ASCC1: variants seen among roughly 807,000 people sequenced by gnomAD.
The protein encoded by ASCC1 is activating signal cointegrator 1 complex subunit 1, also known as ASC-1 complex subunit P50.
ASCC1 carries 35 observed loss-of-function variants against 46.6 expected under a neutral mutation model. The observed-to-expected ratio is 0.75, with a 90% CI of 0.57 to 0.99. ASCC1 has a LOEUF of 0.99. Ranked by LOEUF, ASCC1 falls within the 50% of genes least tolerant of loss-of-function variation. The probability of loss-of-function intolerance (pLI) is 0.00; values close to 1 mark genes in which losing one functional copy is unlikely to be tolerated. For synonymous variants in ASCC1, 143 were observed against 146.6 expected (o/e 0.98, Z 0.18); for missense variants, 376 against 428.7 (o/e 0.88, Z 1.09).
intron 3 of ASCC1, among the ~76,000 whole-genome samples, chr10:72,205,587 AC>A (rs1857087723): frequency 6.7e-6 from 1 of 149,552 alleles, no homozygotes; most frequent in Non-Finnish European, 1.5e-5. Flanking sequence ...CCAAGATCAC[AC>A]CACTGCACTC....
intron 9 of ASCC1, among the ~76,000 whole-genome samples, chr10:72,114,495 G>T (rs898419885): frequency 4.6e-5 from 7 of 152,022 alleles, no homozygotes; most frequent in Non-Finnish European, 8.8e-5. Flanking sequence ...CATGGTGGCG[G>T]GCCCCTGTAG....
At chr10:72,127,981 G>T in intron 9 of ASCC1, 101 bp downstream of exon 9, 1 of 935,666 alleles carries the variant, frequency 1.1e-6, no homozygotes, top group East Asian at 2.5e-5. Context: ...ATGAGAAAAA[G>T]TATGAAGAAG....
At chr10:72,200,226 A>C (rs1856296961) in intron 4 of ASCC1, among the ~76,000 whole-genome samples, 1 of 152,186 alleles carries the variant, frequency 6.6e-6, no homozygotes, top group South Asian at 2.1e-4. Flanking sequence ...AATAGAAAAA[A>C]TGGGGAACAT....
intron 6 of ASCC1, among the ~76,000 whole-genome samples, chr10:72,153,787 C>G (rs1483445066): frequency 2.0e-5 from 3 of 150,536 alleles, no homozygotes; most frequent in African/African-American, 7.3e-5. Flanking sequence ...TGCAATGGCA[C>G]GATCTCGGAT....
At chr10:72,148,324 T>C (rs1236072605) in intron 7 of ASCC1, among the ~76,000 whole-genome samples, 3 of 152,316 alleles carry the variant, frequency 2.0e-5, no homozygotes, top group East Asian at 3.9e-4. Context: ...AATAAAGTAC[T>C]GGGTCCATAT....
chr10:72,139,812 GCTCA>G (rs1262858088), intron 7 of ASCC1, among the ~76,000 whole-genome samples: 2 of 152,144 alleles, frequency 1.3e-5, no homozygotes, highest in Non-Finnish European at 2.9e-5. Context: ...CTTCCTGAGC[GCTCA>G]CTGTGTACAG....
intron 7 of ASCC1, among the ~76,000 whole-genome samples, chr10:72,148,380 G>C (rs979301451): frequency 1.3e-5 from 2 of 152,210 alleles, no homozygotes; most frequent in Non-Finnish European, 2.9e-5. Context: ...TGAGCTGTCT[G>C]AATTGTGAGC....
At chr10:72,145,383 G>A (rs1847509648) in intron 7 of ASCC1, among the ~76,000 whole-genome samples, 1 of 152,022 alleles carries the variant, frequency 6.6e-6, no homozygotes, top group South Asian at 2.1e-4. Flanking sequence ...TCTATATCTG[G>A]AGTTTGCCAG....
At chr10:72,151,348 G>C (rs1180203514) in intron 7 of ASCC1, among the ~76,000 whole-genome samples, 1 of 151,246 alleles carries the variant, frequency 6.6e-6, no homozygotes, top group Non-Finnish European at 1.5e-5. Context: ...TGCAAGGACA[G>C]AAAACCAAAC....
At chr10:72,151,204 C>A (rs946146944) in intron 7 of ASCC1, among the ~76,000 whole-genome samples, 9 of 152,182 alleles carry the variant, frequency 5.9e-5, no homozygotes, top group African/African-American at 2.2e-4. Flanking sequence ...CCCGAATGTC[C>A]ATCAATGATA....
chr10:72,151,147 G>A (rs1459543555), intron 7 of ASCC1, among the ~76,000 whole-genome samples: 4 of 152,284 alleles, frequency 2.6e-5, no homozygotes, highest in Admixed American at 2.0e-4. Context: ...ATATGCACAC[G>A]TATGTTTATT....
intron 9 of ASCC1, among the ~76,000 whole-genome samples, chr10:72,119,447 C>T (rs1843913192): frequency 6.6e-6 from 1 of 152,186 alleles, no homozygotes; most frequent in African/African-American, 2.4e-5. Context: ...CACTAACCTT[C>T]CATGTGTAGG....
chr10:72,147,061 A>C (rs538364520), intron 7 of ASCC1, among the ~76,000 whole-genome samples: 23 of 150,554 alleles, frequency 1.5e-4, no homozygotes, highest in Non-Finnish European at 3.2e-4. Context: ...AAATTAAATA[A>C]GTGAATAAGT....
intron 7 of ASCC1, among the ~76,000 whole-genome samples, chr10:72,135,107 G>C (rs1386150538): frequency 6.6e-6 from 1 of 152,156 alleles, no homozygotes. Flanking sequence ...AGTTGCAAAC[G>C]CTTACTGACA....
chr10:72,194,604 T>C (rs1266192950), intron 5 of ASCC1, among the ~76,000 whole-genome samples: 1 of 142,768 alleles, frequency 7.0e-6, no homozygotes, highest in African/African-American at 3.1e-5. Flanking sequence ...TGCAGAAAAA[T>C]GTATTCAGCA....
intron 5 of ASCC1, among the ~76,000 whole-genome samples, chr10:72,164,359 T>C (rs1165710052): frequency 6.6e-6 from 1 of 152,198 alleles, no homozygotes; most frequent in Admixed American, 6.5e-5. Flanking sequence ...TTATCTATTC[T>C]GGATATATTA....
intron 5 of ASCC1, among the ~76,000 whole-genome samples, chr10:72,184,352 G>A (rs896474467): frequency 6.6e-6 from 1 of 152,024 alleles, no homozygotes; most frequent in Admixed American, 6.6e-5. Context: ...CAGTTAAAAG[G>A]TAGAGATGTC....
chr10:72,109,787 A>C (rs1260424972), intron 9 of ASCC1, among the ~76,000 whole-genome samples: 1 of 152,204 alleles, frequency 6.6e-6, no homozygotes, highest in Non-Finnish European at 1.5e-5. Context: ...GAAAAATAGT[A>C]AGAAAATAAT....
chr10:72,196,971 C>T lies in ASCC1; in HGVS notation c.329G>A (p.Arg110Gln), dbSNP rs555612625. ...TGTTCGGGCTGAAATTACACCATTT[C>T]GATGCTGGCCAGTGATTACTGTAAA... The part of the protein sequence containing the change: ...DGEIVITGQH[R>Q]NGVISARTRI... Residue 110 changes from arginine (R) to glutamine (Q), a missense_variant, in exon 5 of 10, where the codon CGA becomes CAA. Coordinates refer to ENST00000672957, the MANE Select transcript of ASCC1 (RefSeq NM_001198800.3). 126 of 1,613,542 alleles carry T rather than the reference C, an allele frequency of 7.8e-5. No homozygotes were observed. The highest frequency in any genetic ancestry group is 6.7e-5 in the Admixed American group (4 of 59,994).
Sources: allele counts gnomAD v4.1 joint callset (sites outside exome capture counted in the v4.1 genomes callset), GRCh38; gene constraint gnomAD v4.1.1; transcripts MANE v1.5; gene names NCBI Gene and HGNC (gene_info 2026-07-23, HGNC 2026-07-21).